Variants in MNAT1 observed in about 807,000 individuals in gnomAD.
MNAT1 encodes CDK-activating kinase assembly factor MAT1.
In MNAT1, 43 loss-of-function variants were observed where a neutral mutation model predicts 42.0. The ratio of observed to expected loss-of-function variants is 1.02; its 90% CI spans 0.80 to 1.32. MNAT1 has a LOEUF of 1.32. Among genes scored for constraint, MNAT1 ranks in the 40% most tolerant of loss-of-function variants. The probability of loss-of-function intolerance (pLI) is 0.00; values close to 1 mark genes in which losing one functional copy is unlikely to be tolerated. For synonymous variants in MNAT1, 118 were observed against 120.0 expected (o/e 0.98, Z 0.11); for missense variants, 306 against 350.4 (o/e 0.87, Z 1.01).
intron 3 of MNAT1, among the ~76,000 whole-genome samples, chr14:60,801,373 T>C (rs1371241392): frequency 6.6e-6 from 1 of 152,184 alleles, no homozygotes; most frequent in Non-Finnish European, 1.5e-5. Context: ...ACTAAAATAC[T>C]TCCTCACAAC....
chr14:60,870,420 A>T (rs896079618), intron 6 of MNAT1, among the ~76,000 whole-genome samples: 1 of 152,092 alleles, frequency 6.6e-6, no homozygotes, highest in Non-Finnish European at 1.5e-5. Flanking sequence ...TTCTTTATCA[A>T]TTATATGACA....
At chr14:60,808,032 A>G (rs1228884564) in intron 3 of MNAT1, among the ~76,000 whole-genome samples, 1 of 152,156 alleles carries the variant, frequency 6.6e-6, no homozygotes, top group Non-Finnish European at 1.5e-5. Flanking sequence ...TTTTAAAGCT[A>G]GAGAGGGGAC....
chr14:60,948,809 T>G (rs1013365956), intron 7 of MNAT1, among the ~76,000 whole-genome samples: 3 of 152,218 alleles, frequency 2.0e-5, no homozygotes, highest in Non-Finnish European at 4.4e-5. Flanking sequence ...TTCAAGAAAA[T>G]TAATTTTTTA....
chr14:60,887,563 T>G (rs2034708700), intron 7 of MNAT1, among the ~76,000 whole-genome samples: 1 of 151,848 alleles, frequency 6.6e-6, no homozygotes, highest in Non-Finnish European at 1.5e-5. Context: ...GGACATGAAC[T>G]CATCATTTTT....
chr14:60,846,204 G>C (rs1346323899), intron 6 of MNAT1, among the ~76,000 whole-genome samples: 1 of 147,878 alleles, frequency 6.8e-6, no homozygotes, highest in Non-Finnish European at 1.5e-5. Flanking sequence ...TTGATATTTT[G>C]AGTATTCCTA....
intron 7 of MNAT1, among the ~76,000 whole-genome samples, chr14:60,911,423 C>G (rs1448737082): frequency 2.0e-5 from 3 of 152,058 alleles, no homozygotes; most frequent in Non-Finnish European, 4.4e-5. Flanking sequence ...GTTAGGGTGT[C>G]AATTTTAGAT....
intron 3 of MNAT1, among the ~76,000 whole-genome samples, chr14:60,800,413 A>G (rs1020938192): frequency 1.3e-5 from 2 of 152,108 alleles, no homozygotes; most frequent in Admixed American, 1.3e-4. Flanking sequence ...GTGTAGTGGC[A>G]CACGTTTGTA....
intron 7 of MNAT1, among the ~76,000 whole-genome samples, chr14:60,899,983 C>T (rs1281045059): frequency 6.6e-6 from 1 of 151,456 alleles, no homozygotes; most frequent in Admixed American, 6.6e-5. Context: ...AAACTGTACC[C>T]GTATAAGAAG....
intron 6 of MNAT1, among the ~76,000 whole-genome samples, chr14:60,832,024 T>C (rs1393615690): frequency 6.6e-6 from 1 of 152,202 alleles, no homozygotes; most frequent in Non-Finnish European, 1.5e-5. Context: ...TTGATGGGAT[T>C]GTTTGTTTTT....
chr14:60,935,260 T>C (rs904807596), intron 7 of MNAT1, among the ~76,000 whole-genome samples: 1 of 151,164 alleles, frequency 6.6e-6, no homozygotes, highest in Non-Finnish European at 1.5e-5. Flanking sequence ...CCCACCTCTC[T>C]CCCCCTCTCT....
rs531990522 is a variant in MNAT1, at chr14:60,915,713, A to T, written c.809+35878A>T. On this transcript the variant is annotated intron_variant, in intron 7 of 7. Transcript: ENST00000261245. The stretch of plus-strand genomic sequence containing the variant: ...AGTGTAGCTGCTTTGCTAATTTGTG[A>T]TGGGTTTAGCATCAGATTTTTTGGA... Among the ~76,000 whole-genome samples the T allele has an allele frequency of 2.0e-5, 3 of 152,194 alleles. No individual in the cohort carries two copies. In the South Asian group the frequency reaches 6.2e-4, roughly 32 times the overall value.
At chr14:60,858,007 C>G (rs1390613630) in intron 6 of MNAT1, among the ~76,000 whole-genome samples, 1 of 152,110 alleles carries the variant, frequency 6.6e-6, no homozygotes, top group Non-Finnish European at 1.5e-5. Context: ...CAAGTCTTTG[C>G]TATTGTGAAT....
chr14:60,783,772 G>T (rs1043793241), intron 1 of MNAT1, among the ~76,000 whole-genome samples: 7 of 152,308 alleles, frequency 4.6e-5, no homozygotes, highest in Middle Eastern at 3.4e-3. Context: ...AAAGTGCTGG[G>T]ATTACAGGCG....
At chr14:60,759,488 G>A (rs972414237) in intron 1 of MNAT1, among the ~76,000 whole-genome samples, 1 of 152,156 alleles carries the variant, frequency 6.6e-6, no homozygotes, top group Non-Finnish European at 1.5e-5. Context: ...TCTCAGTTTT[G>A]TTGAAAAACT....
intron 6 of MNAT1, among the ~76,000 whole-genome samples, chr14:60,852,075 T>G (rs1042031137): frequency 1.3e-5 from 2 of 152,134 alleles, no homozygotes; most frequent in African/African-American, 4.8e-5. Flanking sequence ...GGTCAAATGG[T>G]ATTTCTGGTT....
At chr14:60,841,652 G>A (rs1031920555) in intron 6 of MNAT1, among the ~76,000 whole-genome samples, 2 of 151,724 alleles carry the variant, frequency 1.3e-5, no homozygotes, top group Non-Finnish European at 2.9e-5. Context: ...TTCCTGAAGT[G>A]CGTTACATAT....
At chr14:60,775,040 T>C (rs1385320416) in intron 1 of MNAT1, among the ~76,000 whole-genome samples, 1 of 152,136 alleles carries the variant, frequency 6.6e-6, no homozygotes, top group Non-Finnish European at 1.5e-5. Context: ...TTAGACTGGA[T>C]ATGATCATTT....
Position 60,872,835 on chromosome 14 carries a change from T to TACACAC in MNAT1, c.688-6849_688-6844dup, listed in dbSNP as rs200338598. Among the ~76,000 whole-genome samples the TACACAC allele has an allele frequency of 1.2e-3, 169 of 146,944 alleles. 1 individual carries two copies. The highest frequency in any genetic ancestry group is 4.6e-3 in the East Asian group (23 of 4,962). On this transcript the variant is annotated intron_variant, in intron 6 of 7. Transcript: ENST00000261245. Reference sequence around the variant, plus strand: ...ATTTTGGTATTACATCACACACACATACACACACACACACACACACACACA... The same window carrying TACACAC: ...ATTTTGGTATTACATCACACACACATACACACACACACACACACACACACACACACA...
chr14:60,799,429 A>G (rs2032130181), intron 3 of MNAT1: 2 of 982,452 alleles, frequency 2.0e-6, no homozygotes, highest in Non-Finnish European at 2.4e-6. Context: ...TACTAAGTAT[A>G]GGACAAGCTG....
Sources: gnomAD v4.1 joint callset for allele counts (sites outside exome capture counted in the v4.1 genomes callset) on GRCh38, gnomAD v4.1.1 for gene constraint, MANE v1.5 for transcripts, NCBI Gene and HGNC (gene_info 2026-07-23, HGNC 2026-07-21) for gene names.